The following CDH18 variants were observed in gnomAD, a reference collection of about 807,000 sequenced individuals.
The protein encoded by CDH18 is cadherin 18.
In CDH18, 31 loss-of-function variants were observed where a neutral mutation model predicts 67.9. That is an observed-to-expected ratio of 0.46 (90% CI 0.34 to 0.62). The LOEUF (loss-of-function observed/expected upper bound fraction) is 0.62. Ranked by LOEUF, CDH18 falls within the 20% of genes least tolerant of loss-of-function variation. The pLI, the probability that CDH18 is intolerant of heterozygous loss-of-function variation, is 0.01. For synonymous variants in CDH18, 362 were observed against 347.2 expected, an observed-to-expected ratio of 1.04 and a Z score of -0.48; for missense variants, 890 against 975.5, an observed-to-expected ratio of 0.91 and a Z score of 1.17.
intron 2 of CDH18, among the ~76,000 whole-genome samples, chr5:20,033,045 T>C (rs546936164): frequency 6.6e-6 from 1 of 152,002 alleles, no homozygotes; most frequent in African/African-American, 2.4e-5. Flanking sequence ...TATCTCCCAA[T>C]ATTTTCCTTG....
At chr5:19,495,224 T>C (rs1462356471) in intron 11 of CDH18, among the ~76,000 whole-genome samples, 3 of 152,140 alleles carry the variant, frequency 2.0e-5, no homozygotes, top group South Asian at 2.1e-4. Context: ...AGAGCAAATA[T>C]CTGTAGCATT....
intron 3 of CDH18, among the ~76,000 whole-genome samples, chr5:19,786,971 C>A (rs1046278871): frequency 9.2e-5 from 14 of 151,958 alleles, no homozygotes; most frequent in Non-Finnish European, 1.3e-4. Flanking sequence ...ACTTCACAAG[C>A]CAAAGAAAGA....
chr5:20,151,693 C>T (rs565114887), intron 2 of CDH18, among the ~76,000 whole-genome samples: 28 of 152,138 alleles, frequency 1.8e-4, no homozygotes, highest in Admixed American at 3.9e-4. Flanking sequence ...TGGTGTGAGA[C>T]GGTACGTCAA....
intron 2 of CDH18, among the ~76,000 whole-genome samples, chr5:19,883,479 T>G (rs1287298362): frequency 6.6e-6 from 1 of 152,060 alleles, no homozygotes; most frequent in Non-Finnish European, 1.5e-5. Flanking sequence ...GTGATATATT[T>G]GACTTCTAAG....
intron 6 of CDH18, among the ~76,000 whole-genome samples, chr5:19,599,386 T>C (rs1036975903): frequency 6.6e-6 from 1 of 152,198 alleles, no homozygotes; most frequent in Non-Finnish European, 1.5e-5. Flanking sequence ...AATTTATTTT[T>C]CAAGTATTTA....
chr5:19,559,510 A>C (rs985390146), intron 8 of CDH18, among the ~76,000 whole-genome samples: 91 of 152,066 alleles, frequency 6.0e-4, no homozygotes, highest in African/African-American at 2.0e-3. Flanking sequence ...AAAAACACCA[A>C]AGAAGGGGCA....
intron 10 of CDH18, among the ~76,000 whole-genome samples, chr5:19,517,066 C>T: frequency 6.6e-6 from 1 of 151,944 alleles, no homozygotes; most frequent in East Asian, 1.9e-4. Context: ...AAATATGTTT[C>T]CCAGTAGCAG....
intron 2 of CDH18, among the ~76,000 whole-genome samples, chr5:20,212,738 T>A (rs1740450911): frequency 6.6e-6 from 1 of 152,102 alleles, no homozygotes; most frequent in Admixed American, 6.6e-5. Flanking sequence ...TAAAATACTC[T>A]TTGCTAAAAT....
At chr5:20,482,087 A>T (rs1376326680) in intron 1 of CDH18, among the ~76,000 whole-genome samples, 1 of 151,968 alleles carries the variant, frequency 6.6e-6, no homozygotes, top group African/African-American at 2.4e-5. Context: ...AAATAAAATT[A>T]TAGATGGAAA....
chr5:20,457,056 G>T (rs1402271175), intron 1 of CDH18, among the ~76,000 whole-genome samples: 1 of 152,148 alleles, frequency 6.6e-6, no homozygotes, highest in African/African-American at 2.4e-5. Context: ...TGTTTTAAGA[G>T]ACAGAGAACA....
chr5:19,476,677 C>T (rs1270019084), intron 12 of CDH18, among the ~76,000 whole-genome samples: 2 of 152,076 alleles, frequency 1.3e-5, no homozygotes, highest in South Asian at 2.1e-4. Flanking sequence ...ATAAAGACTG[C>T]CTAATTTATT....
chr5:20,005,901 C>T (rs563132187), intron 2 of CDH18, among the ~76,000 whole-genome samples: 4 of 152,008 alleles, frequency 2.6e-5, no homozygotes, highest in Non-Finnish European at 4.4e-5. Flanking sequence ...GTTTGGAGAA[C>T]GACCATTAGC....
intron 3 of CDH18, among the ~76,000 whole-genome samples, chr5:19,820,417 G>A (rs546588748): frequency 8.5e-5 from 13 of 152,136 alleles, no homozygotes; most frequent in African/African-American, 2.9e-4. Flanking sequence ...AAAATATCCT[G>A]GGCCATAGGT....
Position 20,217,385 on chromosome 5 carries a change from A to G in CDH18, c.-518+38059T>C, listed in dbSNP as rs555173075. 1.4e-4 allele frequency among the ~76,000 whole-genome samples: 21 copies of G among 152,054 alleles called. No individual in the cohort carries two copies. In the South Asian group the frequency reaches 4.4e-3, roughly 32 times the overall value. On this transcript the variant is annotated intron_variant, in intron 2 of 14. Transcript: ENST00000507958. Reference sequence around the variant, plus strand: ...AAGGGAAAAAGCAGAGGTTGAAGTTAAAACAGAGAGTTTTATTAGTTGTCT... The same window carrying G: ...AAGGGAAAAAGCAGAGGTTGAAGTTGAAACAGAGAGTTTTATTAGTTGTCT...
intron 2 of CDH18, among the ~76,000 whole-genome samples, chr5:20,226,912 T>C (rs1002688732): frequency 1.1e-4 from 16 of 151,996 alleles, no homozygotes; most frequent in African/African-American, 3.1e-4. Context: ...AATGACTAAA[T>C]TCGAATCACT....
intron 2 of CDH18, among the ~76,000 whole-genome samples, chr5:20,004,164 C>T (rs1736692505): frequency 6.6e-6 from 1 of 152,184 alleles, no homozygotes; most frequent in Non-Finnish European, 1.5e-5. Flanking sequence ...AAGGCCACGA[C>T]ATGGTCTGGA....
At chr5:20,108,450 A>G (rs1464254268) in intron 2 of CDH18, among the ~76,000 whole-genome samples, 1 of 152,116 alleles carries the variant, frequency 6.6e-6, no homozygotes, top group Non-Finnish European at 1.5e-5. Flanking sequence ...ACTAGGGGTT[A>G]GGACTCCGAT....
chr5:19,587,346 C>A (rs777030302), intron 7 of CDH18, among the ~76,000 whole-genome samples: 1 of 152,064 alleles, frequency 6.6e-6, no homozygotes, highest in South Asian at 2.1e-4. Flanking sequence ...TAGGGCTCTT[C>A]GTCATGATAT....
intron 1 of CDH18, among the ~76,000 whole-genome samples, chr5:20,344,457 A>T (rs1740540292): frequency 6.6e-6 from 1 of 152,040 alleles, no homozygotes; most frequent in African/African-American, 2.4e-5. Context: ...CCCATGACAG[A>T]AAGAGCCTCT....
Sources: gnomAD v4.1 joint callset for allele counts (sites outside exome capture counted in the v4.1 genomes callset) on GRCh38, gnomAD v4.1.1 for gene constraint, MANE v1.5 for transcripts, NCBI Gene and HGNC (gene_info 2026-07-23, HGNC 2026-07-21) for gene names.